SEC11A: variants seen among roughly 807,000 people sequenced by gnomAD.
SEC11A encodes signal peptidase complex catalytic subunit SEC11A.
Under a neutral mutation model 25.6 loss-of-function variants are expected in SEC11A, and 14 were observed. The observed-to-expected ratio is 0.55, with a 90% CI of 0.36 to 0.85. SEC11A has a LOEUF of 0.85. SEC11A is among the 40% of genes least tolerant of loss of function. The pLI is 0.01. For missense variants in SEC11A, 153 were observed against 222.9 expected (o/e 0.69, Z 2.00); for synonymous variants, 83 against 76.4 (o/e 1.09, Z -0.45).
At chr15:84,683,820 T>C (rs951119415) in intron 3 of SEC11A, among the ~76,000 whole-genome samples, 8 of 152,146 alleles carry the variant, frequency 5.3e-5, no homozygotes, top group African/African-American at 1.9e-4. Context: ...CCACCGCACC[T>C]GATCTTACTA....
chr15:84,680,587 A>C (rs1338054335), intron 4 of SEC11A, 126 bp downstream of exon 4: 3 of 1,015,214 alleles, frequency 3.0e-6, no homozygotes, highest in Non-Finnish European at 4.0e-6. Flanking sequence ...TTCAAAGGAC[A>C]CAAGGGTGAT....
chr15:84,678,426 TATC>T (rs1156985914), intron 4 of SEC11A, among the ~76,000 whole-genome samples: 1 of 152,190 alleles, frequency 6.6e-6, no homozygotes, highest in African/African-American at 2.4e-5. Flanking sequence ...TAAGGATATT[TATC>T]ATAACATTGT....
chr15:84,705,799 G>T (rs1334572157), intron 1 of SEC11A, among the ~76,000 whole-genome samples: 4 of 151,438 alleles, frequency 2.6e-5, no homozygotes, highest in Non-Finnish European at 4.4e-5. Flanking sequence ...AAGTTGCAGT[G>T]AGCCGAGATC....
chr15:84,706,346 A>C (rs1898093050), intron 1 of SEC11A, among the ~76,000 whole-genome samples: 1 of 152,200 alleles, frequency 6.6e-6, no homozygotes, highest in Non-Finnish European at 1.5e-5. Flanking sequence ...CAGGGTTATA[A>C]TTGGCTAGGG....
chr15:84,705,901 T>C (rs1002942114), intron 1 of SEC11A, among the ~76,000 whole-genome samples: 1 of 151,790 alleles, frequency 6.6e-6, no homozygotes, highest in African/African-American at 2.4e-5. Context: ...ATCTGCTGAT[T>C]TAAAGGTTTT....
At position 84,674,566 on chromosome 15, in the gene SEC11A, A is replaced by AT. The variant is rs1314557198; in HGVS notation, c.432-3785dup. 1.5e-4 allele frequency among the ~76,000 whole-genome samples: 22 copies of AT among 143,438 alleles called. 1 individual carries two copies. In the South Asian group the frequency reaches 2.9e-3, roughly 19 times the overall value. 94.1% of individuals were successfully genotyped at this position (143,438 alleles called of 152,430 possible). A position where few individuals can be genotyped will look rare whatever the true frequency, so the allele number is the denominator to read the frequency against. On this transcript the variant is annotated intron_variant, in intron 4 of 5. Transcript: ENST00000268220. ...TAATCCATGGAATTTAAAAAAAAAA[A>AT]TTTTTTTTTTGATACATGATCTTAC...
At chr15:84,694,459 C>A (rs1897700198) in intron 1 of SEC11A, among the ~76,000 whole-genome samples, 1 of 152,092 alleles carries the variant, frequency 6.6e-6, no homozygotes, top group Non-Finnish European at 1.5e-5. Context: ...TTTTCTACTT[C>A]CCTTTTTAAA....
chr15:84,670,630 T>G (rs1439373674), intron 5 of SEC11A, 95 bp downstream of exon 5: 1 of 619,912 alleles, frequency 1.6e-6, no homozygotes, highest in African/African-American at 1.9e-5. Context: ...TCCACTCACC[T>G]CGGCCTCCCA....
Position 84,716,040 on chromosome 15 carries a change from C to G in SEC11A, c.36G>C (p.Arg12=). The G allele has an allele frequency of 6.2e-7, 1 of 1,613,730 alleles. No homozygotes were observed. The highest frequency in any genetic ancestry group is 8.5e-7 in the Non-Finnish European group (1 of 1,179,748). Residue 12 remains arginine, a synonymous_variant, in exon 1 of 6, where the codon CGG becomes CGC. Coordinates refer to ENST00000268220, the MANE Select transcript of SEC11A (RefSeq NM_014300.4). The part of the protein sequence containing the change: ...LSLDFLDDVR[R]MNKRQLYYQV... ...ACAAGCTCACCTGCCGCTTGTTCAT[C>G]CGCCGCACATCGTCCAAAAAGTCTA...
chr15:84,692,969 C>G (rs1050303801), intron 1 of SEC11A, among the ~76,000 whole-genome samples: 1 of 152,170 alleles, frequency 6.6e-6, no homozygotes, highest in Non-Finnish European at 1.5e-5. Flanking sequence ...CTTCAGCCTC[C>G]CGAGTAGCCA....
At chr15:84,692,680 A>C (rs1190947898) in intron 1 of SEC11A, among the ~76,000 whole-genome samples, 1 of 152,216 alleles carries the variant, frequency 6.6e-6, no homozygotes, top group Non-Finnish European at 1.5e-5. Flanking sequence ...CCAAGGCTGG[A>C]AAAAGTATAG....
At chr15:84,673,078 G>A (rs1193593881) in intron 4 of SEC11A, 24 of 174,584 alleles carry the variant, frequency 1.4e-4, no homozygotes, top group Admixed American at 2.5e-4. Flanking sequence ...CAGCCACCCC[G>A]TCTGGGAAGT....
At chr15:84,672,148 G>T in intron 4 of SEC11A, 1 of 153,382 alleles carries the variant, frequency 6.5e-6, no homozygotes. Context: ...CACCATCAAA[G>T]CCTCAGGCAA....
chr15:84,694,818 G>A (rs1897713353), intron 1 of SEC11A, among the ~76,000 whole-genome samples: 1 of 151,980 alleles, frequency 6.6e-6, no homozygotes, highest in Non-Finnish European at 1.5e-5. Context: ...AAGGCCGAGT[G>A]CAGTGGCTCA....
At chr15:84,710,396 G>A (rs770580965) in intron 1 of SEC11A, among the ~76,000 whole-genome samples, 1 of 152,190 alleles carries the variant, frequency 6.6e-6, no homozygotes, top group Non-Finnish European at 1.5e-5. Flanking sequence ...CACTTTGGGA[G>A]GCCAAGGCAG....
chr15:84,709,681 G>C (rs973053700), intron 1 of SEC11A, among the ~76,000 whole-genome samples: 1 of 151,930 alleles, frequency 6.6e-6, no homozygotes, highest in Non-Finnish European at 1.5e-5. Context: ...GACCTCAAGT[G>C]ATCTGCCGGC....
At chr15:84,711,903 G>C (rs531751936) in intron 1 of SEC11A, among the ~76,000 whole-genome samples, 1 of 152,014 alleles carries the variant, frequency 6.6e-6, no homozygotes, top group Non-Finnish European at 1.5e-5. Flanking sequence ...GTGGTACCCA[G>C]AGACTAAGAA....
At chr15:84,683,170 G>A (rs947109606) in intron 3 of SEC11A, among the ~76,000 whole-genome samples, 9 of 152,164 alleles carry the variant, frequency 5.9e-5, no homozygotes, top group Non-Finnish European at 8.8e-5. Flanking sequence ...GGGTAAAAGA[G>A]GACAGGTGCT....
intron 1 of SEC11A, among the ~76,000 whole-genome samples, chr15:84,703,241 T>C (rs1165875836): frequency 2.0e-5 from 3 of 152,190 alleles, no homozygotes; most frequent in Non-Finnish European, 4.4e-5. Context: ...CTGAACTCCC[T>C]GACATGCACC....
Sources: allele counts gnomAD v4.1 joint callset (sites outside exome capture counted in the v4.1 genomes callset), GRCh38; gene constraint gnomAD v4.1.1; transcripts MANE v1.5; gene names NCBI Gene and HGNC (gene_info 2026-07-23, HGNC 2026-07-21).